Variants in MDN1 observed in about 807,000 individuals in gnomAD.
The protein encoded by MDN1 is midasin AAA ATPase 1.
In MDN1, 266 loss-of-function variants were observed where a neutral mutation model predicts 669.2. That is an observed-to-expected ratio of 0.40 (90% CI 0.36 to 0.44). The LOEUF (loss-of-function observed/expected upper bound fraction) is 0.44. Among genes scored for constraint, MDN1 ranks in the 20% least tolerant of loss-of-function variants. MDN1 has a pLI of 1.00. For synonymous variants in MDN1, 2,385 were observed against 2,457.1 expected (o/e 0.97, Z 0.87); for missense variants, 5,940 against 6,754.0 (o/e 0.88, Z 4.22).
intron 80 of MDN1, among the ~76,000 whole-genome samples, 169 bp downstream of exon 80, chr6:89,673,067 G>A (rs1332959805): frequency 2.0e-5 from 3 of 152,040 alleles, no homozygotes; most frequent in African/African-American, 7.2e-5. Flanking sequence ...AAACAAATGG[G>A]GCAAAAAAGT....
intron 85 of MDN1, 127 bp downstream of exon 85, chr6:89,664,360 G>T: frequency 8.7e-7 from 1 of 1,145,354 alleles, no homozygotes; most frequent in Non-Finnish European, 1.3e-6. Flanking sequence ...GTTTTCATTT[G>T]CACTTAAGCA....
At chr6:89,692,094 C>T (rs1812411669) in intron 63 of MDN1, among the ~76,000 whole-genome samples, 1 of 152,246 alleles carries the variant, frequency 6.6e-6, no homozygotes, top group African/African-American at 2.4e-5. Context: ...TAATTGCATA[C>T]AATGAGAGCA....
In MDN1 at chr6:89,692,736, G is replaced by A; in HGVS notation, c.10294C>T (p.Leu3432=). The A allele has an allele frequency of 1.2e-6, 2 of 1,614,116 alleles. No homozygotes were observed. The highest frequency in any genetic ancestry group is 1.7e-6 in the Non-Finnish European group (2 of 1,179,958). The change falls in exon 63 of 102, where the codon CTG becomes TTG. Residue 3432 remains leucine (L), a synonymous_variant. Transcript: ENST00000369393. ...LHSSMVGADR[L]GTLATALLAF... ...AGCAAGGCTGTGGCCAGGGTCCCCA[G>A]CCTGTCTGCACCAACCATACTGCTG...
chr6:89,714,546 C>T lies in MDN1; in HGVS notation c.7066G>A (p.Val2356Ile). 6.2e-7 allele frequency: 1 copy of T among 1,601,066 alleles called. No individual in the cohort carries two copies. Among genetic ancestry groups the T allele is most frequent in the Non-Finnish European group, 8.5e-7 (1 of 1,173,518 alleles). ...GCCCAAAAGTCAAGCACCTCACCTA[C>T]AACAGTGCTCCGGGTCTCTGTGTGT... ...ALHTETRSTV[V>I]GSPTSSVSTL... Residue 2356 changes from valine (V) to isoleucine (I), a missense_variant, in exon 46 of 102, where the codon GTA (valine) becomes ATA (isoleucine). By Grantham distance (29) the Val-to-Ile change is conservative. Around this residue, in one of 5 missense-constraint regions of MDN1, gnomAD observed 2,292 missense variants for 2,638.3 expected, o/e 0.87. Coordinates refer to ENST00000369393, the MANE Select transcript of MDN1 (RefSeq NM_014611.3).
intron 43 of MDN1, among the ~76,000 whole-genome samples, chr6:89,717,725 C>G (rs546481282): frequency 2.2e-4 from 34 of 152,186 alleles, no homozygotes; most frequent in South Asian, 2.1e-4. Context: ...AGTGGCCCAC[C>G]GCCACAGATA....
Position 89,692,888 on chromosome 6 carries a change from T to C in MDN1, c.10142A>G (p.Gln3381Arg), listed in dbSNP as rs1812470701. ...EEASWQQSHH[Q>R]FRKRLSEEYT... is the part of the protein sequence containing the mutation. ...CTCCTCTGACAGCCGCTTCCGGAACTGGTGGTGTGACTGCTGCCAAGAGGC... is the reference window on the plus strand; with the variant it reads ...CTCCTCTGACAGCCGCTTCCGGAACCGGTGGTGTGACTGCTGCCAAGAGGC... The change falls in exon 63 of 102, where the codon CAG becomes CGG. Residue 3381 changes from glutamine (Q) to arginine (R), a missense_variant. Around this residue, in one of 5 missense-constraint regions of MDN1, gnomAD observed 150 missense variants for 234.2 expected, o/e 0.64. Coordinates refer to ENST00000369393, the MANE Select transcript of MDN1 (RefSeq NM_014611.3). 1 of 1,614,082 alleles carries C rather than the reference T, an allele frequency of 6.2e-7. No individual in the cohort carries two copies. The highest frequency in any genetic ancestry group is 1.7e-5 in the Admixed American group (1 of 59,998).
intron 11 of MDN1, among the ~76,000 whole-genome samples, chr6:89,778,510 T>A (rs1030532761): frequency 6.6e-6 from 1 of 152,102 alleles, no homozygotes; most frequent in Non-Finnish European, 1.5e-5. Context: ...AATACAGTTA[T>A]CCCTACATAT....
At position 89,688,544 on chromosome 6, in the gene MDN1, G is replaced by A. The variant is rs142654518; in HGVS notation, c.11259+29C>T. 496 of 1,594,282 alleles carry A rather than the reference G, an allele frequency of 3.1e-4. 2 individuals carry two copies. The African/African-American group carries it at 4.0e-3, about 13-fold the overall frequency. On this transcript the variant is annotated intron_variant, in intron 66 of 101. Transcript: ENST00000369393. ...ATCCTCATTGCAGACTCAGTACTGT[G>A]AGCACTCCTTCCTCAACAGCTGCCC...
At chr6:89,712,824 A>G in intron 47 of MDN1, 38 bp from the exon 48 acceptor site, 1 of 1,576,790 alleles carries the variant, frequency 6.3e-7, no homozygotes, top group South Asian at 1.1e-5. Flanking sequence ...TGGTACCAAC[A>G]TAAAAGTGAT....
chr6:89,658,458 C>T lies in MDN1; in HGVS notation c.15022-88G>A, dbSNP rs1278178531. On this transcript the variant is annotated intron_variant, in intron 89 of 101. Coordinates refer to ENST00000369393, the MANE Select transcript of MDN1 (RefSeq NM_014611.3). ...CTTGCAACAAGCAGGCTTCCCCACT[C>T]CTCACTAAGGGTCTTAAAACAGAAA... The T allele has an allele frequency of 1.0e-5, 16 of 1,571,342 alleles. 1 individual carries two copies. The highest frequency in any genetic ancestry group is 1.4e-5 in the Non-Finnish European group (16 of 1,152,656).
chr6:89,730,635 G>A, intron 35 of MDN1, 91 bp downstream of exon 35: 1 of 940,970 alleles, frequency 1.1e-6, no homozygotes, highest in Non-Finnish European at 1.6e-6. Context: ...ATATAATCAT[G>A]AGTATTACAC....
In MDN1 at chr6:89,701,914, A is replaced by G. The variant is rs1395532072; in HGVS notation, c.8296T>C (p.Tyr2766His). 6.2e-7 allele frequency: 1 copy of G among 1,611,578 alleles called. No homozygotes were observed. ...VHQIPRLLMNYEDKYYKEVQT... is the reference protein window; with the variant it reads ...VHQIPRLLMNHEDKYYKEVQT... Reference sequence around the variant, plus strand: ...AAATATGAATCTTACTTGTCTTCATAATTCATCAGAAGTCGGGGGATCTGG... The same window carrying G: ...AAATATGAATCTTACTTGTCTTCATGATTCATCAGAAGTCGGGGGATCTGG... Residue 2766 changes from tyrosine (Y) to histidine (H), a missense_variant, in exon 54 of 102, where the codon TAT (tyrosine) becomes CAT (histidine). By Grantham distance (83) the Tyr-to-His change is moderately conservative. Coordinates refer to ENST00000369393, the MANE Select transcript of MDN1 (RefSeq NM_014611.3).
chr6:89,645,229 G>T, intron 100 of MDN1, 72 bp from the exon 101 acceptor site: 1 of 1,490,802 alleles, frequency 6.7e-7, no homozygotes, highest in Non-Finnish European at 9.2e-7. Flanking sequence ...ACTACCCAAA[G>T]TAGGACAAAT....
rs1343123408 is a variant in MDN1, at chr6:89,780,192, A to C, written c.1725+20T>G. The C allele has an allele frequency of 7.0e-7, 1 of 1,421,556 alleles. No individual in the cohort carries two copies. The highest frequency in any genetic ancestry group is 9.5e-7 in the Non-Finnish European group (1 of 1,048,092). The allele number at this position is 1,421,556 out of a possible 1,614,324, so 88.1% of individuals were successfully genotyped here. On this transcript the variant is annotated intron_variant, in intron 11 of 101. Transcript: ENST00000369393. Reference sequence around the variant, plus strand: ...GCCTTACAGAACCAAGACAAAAAAGACTGGAAAACTATATCTTACCTCTTG... The same window carrying C: ...GCCTTACAGAACCAAGACAAAAAAGCCTGGAAAACTATATCTTACCTCTTG...
intron 16 of MDN1, 30 bp from the exon 17 acceptor site, chr6:89,761,778 C>T (rs749708160): frequency 2.1e-6 from 3 of 1,449,290 alleles, no homozygotes; most frequent in South Asian, 2.4e-5. Context: ...ATTCAGCACA[C>T]ATTTTGAATT....
intron 1 of MDN1, among the ~76,000 whole-genome samples, chr6:89,816,115 T>C (rs1212446521): frequency 4.6e-5 from 7 of 152,184 alleles, no homozygotes; most frequent in African/African-American, 9.6e-5. Context: ...AAGACTGTTT[T>C]GTGGCTGGGC....
chr6:89,699,513 T>G (rs2128309467), intron 58 of MDN1, 88 bp downstream of exon 58: 1 of 1,432,504 alleles, frequency 7.0e-7, no homozygotes, highest in African/African-American at 1.4e-5. Context: ...ATTTTGAGAA[T>G]AAATAAAATG....
intron 38 of MDN1, among the ~76,000 whole-genome samples, chr6:89,724,000 G>A (rs1217481066): frequency 6.6e-6 from 1 of 152,014 alleles, no homozygotes; most frequent in East Asian, 1.9e-4. Flanking sequence ...AAAATTAGCT[G>A]GGCATAGTGG....
chr6:89,744,138 C>G (rs1218976381), intron 29 of MDN1, among the ~76,000 whole-genome samples: 1 of 147,586 alleles, frequency 6.8e-6, no homozygotes, highest in Non-Finnish European at 1.5e-5. Flanking sequence ...AAAACCACCA[C>G]CAAGAGAGGG....
Sources: gnomAD v4.1 joint callset for allele counts (sites outside exome capture counted in the v4.1 genomes callset) on GRCh38, gnomAD v4.1.1 for gene constraint, gnomAD v4.1.1 regional missense constraint, MANE v1.5 for transcripts, NCBI Gene and HGNC (gene_info 2026-07-23, HGNC 2026-07-21) for gene names.